Variants in SLCO1B1 observed in about 807,000 individuals in gnomAD.
The protein encoded by SLCO1B1 is OATP-2.
Under a neutral mutation model 70.1 loss-of-function variants are expected in SLCO1B1, and 81 were observed. The observed-to-expected ratio is 1.16, with a 90% CI of 0.97 to 1.39. The LOEUF is 1.39. Among genes scored for constraint, SLCO1B1 ranks in the 40% most tolerant of loss-of-function variants. SLCO1B1 has a pLI of 0.00. For missense variants in SLCO1B1, 895 were observed against 799.6 expected, an observed-to-expected ratio of 1.12 and a Z score of -1.44; for synonymous variants, 283 against 271.5, an observed-to-expected ratio of 1.04 and a Z score of -0.42.
chr12:21,171,308 G>A (rs997853544), intron 2 of SLCO1B1, among the ~76,000 whole-genome samples: 7 of 152,322 alleles, frequency 4.6e-5, no homozygotes, highest in African/African-American at 1.7e-4. Flanking sequence ...AAGGTCTAAT[G>A]TAGCTGGAGA....
intron 2 of SLCO1B1, among the ~76,000 whole-genome samples, chr12:21,166,497 C>G (rs1940688013): frequency 6.6e-6 from 1 of 152,110 alleles, no homozygotes; most frequent in Non-Finnish European, 1.5e-5. Flanking sequence ...AGATGCCTCA[C>G]TGAAGAAGAT....
chr12:21,195,525 C>A (rs888868168), intron 7 of SLCO1B1, among the ~76,000 whole-genome samples: 1 of 152,238 alleles, frequency 6.6e-6, no homozygotes, highest in East Asian at 1.9e-4. Context: ...ATTTAAGCCA[C>A]CATTTTTGTG....
At chr12:21,175,666 T>G (rs1157847693) in intron 4 of SLCO1B1, among the ~76,000 whole-genome samples, 1 of 152,146 alleles carries the variant, frequency 6.6e-6, no homozygotes, top group African/African-American at 2.4e-5. Context: ...TTAGTGGTAC[T>G]GCTCTAGCTT....
At chr12:21,218,787 G>A (rs1176972091) in intron 12 of SLCO1B1, among the ~76,000 whole-genome samples, 6 of 152,088 alleles carry the variant, frequency 3.9e-5, no homozygotes, top group Non-Finnish European at 7.4e-5. Flanking sequence ...TATCATATCT[G>A]TTTCAGAAAT....
Position 21,205,919 on chromosome 12 carries a change from A to T in SLCO1B1, c.1383A>T (p.Ser461=). 6.2e-7 allele frequency: 1 copy of T among 1,610,778 alleles called. No individual in the cohort carries two copies. The highest frequency in any genetic ancestry group is 8.5e-7 in the Non-Finnish European group (1 of 1,177,432). ...ATGTACCACTTTCTTATTGCAACTC[A>T]GACTGCAATTGTGATGAAAGTCAAT... ...HRDVPLSYCN[S]DCNCDESQWE... is the part of the protein sequence containing the mutation. Residue 461 remains serine, a synonymous_variant, in exon 11 of 15, where the codon TCA becomes TCT. Coordinates refer to ENST00000256958, the MANE Select transcript of SLCO1B1 (RefSeq NM_006446.5).
chr12:21,150,350 A>G lies in SLCO1B1; in HGVS notation c.84+8692A>G, dbSNP rs543886225. ...CACCATTCTCAAGCTCTGCTAAGGGACAGACTGCCTCCTTAAGTGGGTCCC... is the reference window on the plus strand; with the variant it reads ...CACCATTCTCAAGCTCTGCTAAGGGGCAGACTGCCTCCTTAAGTGGGTCCC... On this transcript the variant is annotated intron_variant, in intron 2 of 14. Coordinates refer to ENST00000256958, the MANE Select transcript of SLCO1B1 (RefSeq NM_006446.5). Among the ~76,000 whole-genome samples the G allele has an allele frequency of 2.0e-5, 3 of 152,206 alleles. No homozygotes were observed. The South Asian group carries it at 6.2e-4, about 32-fold the overall frequency.
chr12:21,149,304 T>C (rs1940435057), intron 2 of SLCO1B1, among the ~76,000 whole-genome samples: 1 of 152,126 alleles, frequency 6.6e-6, no homozygotes. Context: ...CTTGTGCCGG[T>C]TTTCAAAGGG....
intron 14 of SLCO1B1, among the ~76,000 whole-genome samples, chr12:21,230,120 T>C (rs950012914): frequency 1.3e-5 from 2 of 152,150 alleles, no homozygotes; most frequent in Non-Finnish European, 2.9e-5. Flanking sequence ...ATTGATGTGA[T>C]CATGTCATTT....
At chr12:21,212,752 A>G (rs1454947158) in intron 11 of SLCO1B1, among the ~76,000 whole-genome samples, 1 of 138,064 alleles carries the variant, frequency 7.2e-6, no homozygotes, top group Non-Finnish European at 1.6e-5. Flanking sequence ...GTGCTCCTGT[A>G]TTGGGTGCAT....
intron 1 of SLCO1B1, among the ~76,000 whole-genome samples, chr12:21,133,534 A>G (rs1344558434): frequency 6.6e-6 from 1 of 152,040 alleles, no homozygotes; most frequent in East Asian, 1.9e-4. Flanking sequence ...GTTCTCCTTG[A>G]AGAGGTCCTT....
chr12:21,166,436 C>T (rs1161220508), intron 2 of SLCO1B1, among the ~76,000 whole-genome samples: 1 of 152,010 alleles, frequency 6.6e-6, no homozygotes, highest in Non-Finnish European at 1.5e-5. Context: ...ACATCTAAAA[C>T]TCAATAATTA....
At chr12:21,150,579 T>G (rs1940457954) in intron 2 of SLCO1B1, among the ~76,000 whole-genome samples, 1 of 151,860 alleles carries the variant, frequency 6.6e-6, no homozygotes, top group South Asian at 2.1e-4. Flanking sequence ...TCCAGCAAAC[T>G]CCAGCAGACC....
chr12:21,221,640 CA>C, intron 12 of SLCO1B1, among the ~76,000 whole-genome samples: 1 of 151,930 alleles, frequency 6.6e-6, no homozygotes, highest in Non-Finnish European at 1.5e-5. Context: ...AGTCAACAAA[CA>C]ACAAACATAT....
At chr12:21,174,486 C>A in intron 3 of SLCO1B1, 91 bp from the exon 4 acceptor site, 1 of 1,262,188 alleles carries the variant, frequency 7.9e-7, no homozygotes, top group Non-Finnish European at 1.1e-6. Flanking sequence ...GGCACTATGT[C>A]TTGGACTCTA....
chr12:21,169,844 T>C (rs1304110263), intron 2 of SLCO1B1, among the ~76,000 whole-genome samples: 2 of 152,316 alleles, frequency 1.3e-5, no homozygotes, highest in East Asian at 3.9e-4. Context: ...CAGTCAACTC[T>C]CCCAGATTTT....
intron 2 of SLCO1B1, among the ~76,000 whole-genome samples, chr12:21,166,863 G>A (rs1212724138): frequency 6.6e-6 from 1 of 152,166 alleles, no homozygotes; most frequent in Non-Finnish European, 1.5e-5. Context: ...CAGCCTTATT[G>A]ATAATTGCCA....
chr12:21,179,296 C>G (rs1015930932), intron 7 of SLCO1B1, among the ~76,000 whole-genome samples: 1 of 152,104 alleles, frequency 6.6e-6, no homozygotes. Flanking sequence ...ATGTCTCCCT[C>G]CCAAACTGAC....
At chr12:21,201,349 G>A (rs535317861) in intron 9 of SLCO1B1, among the ~76,000 whole-genome samples, 26 of 152,178 alleles carry the variant, frequency 1.7e-4, no homozygotes, top group Middle Eastern at 3.4e-3. Flanking sequence ...CAAGCTTCCA[G>A]ATAATCTCTT....
intron 2 of SLCO1B1, among the ~76,000 whole-genome samples, chr12:21,170,613 C>T (rs1032688117): frequency 2.6e-5 from 4 of 152,324 alleles, no homozygotes; most frequent in African/African-American, 7.2e-5. Flanking sequence ...TTTTGTCTAA[C>T]TCTGTTGCCC....
Sources: allele counts gnomAD v4.1 joint callset (sites outside exome capture counted in the v4.1 genomes callset), GRCh38; gene constraint gnomAD v4.1.1; transcripts MANE v1.5; gene names NCBI Gene and HGNC (gene_info 2026-07-23, HGNC 2026-07-21).